The following CNTN5 variants were observed in gnomAD, a reference collection of about 807,000 sequenced individuals.
CNTN5 encodes the protein contactin 5.
In CNTN5, 77 loss-of-function variants were observed where a neutral mutation model predicts 129.1. That is an observed-to-expected ratio of 0.60 (90% CI 0.50 to 0.72). The LOEUF (loss-of-function observed/expected upper bound fraction) is 0.72. Ranked by LOEUF, CNTN5 falls within the 30% of genes least tolerant of loss-of-function variation. CNTN5 has a pLI of 0.00. For missense variants in CNTN5, 1,478 were observed against 1,328.8 expected (o/e 1.11, Z -1.75); for synonymous variants, 509 against 465.6 (o/e 1.09, Z -1.20).
intron 13 of CNTN5, among the ~76,000 whole-genome samples, chr11:100,173,681 G>C (rs1034966374): frequency 8.5e-5 from 13 of 152,148 alleles, no homozygotes; most frequent in Non-Finnish European, 1.9e-4. Context: ...GTCTAAGTCA[G>C]GGAACTCTGC....
intron 3 of CNTN5, among the ~76,000 whole-genome samples, chr11:99,660,993 C>T (rs1267806196): frequency 2.6e-5 from 4 of 151,792 alleles, no homozygotes; most frequent in Admixed American, 2.0e-4. Context: ...TTGTATTCTT[C>T]CTTGGCAAAA....
At chr11:99,536,854 TAAAA>T (rs5793993) in intron 2 of CNTN5, among the ~76,000 whole-genome samples, 1 of 140,440 alleles carries the variant, frequency 7.1e-6, no homozygotes. Context: ...GTAGTCACAT[TAAAA>T]AAAAAAAAAA....
intron 3 of CNTN5, among the ~76,000 whole-genome samples, chr11:99,683,722 CTG>C (rs1386363479): frequency 6.6e-6 from 1 of 151,770 alleles, no homozygotes; most frequent in Non-Finnish European, 1.5e-5. Context: ...TGGAAGATAA[CTG>C]TTTTAAAATA....
At chr11:99,457,648 G>A (rs150969351) in intron 2 of CNTN5, among the ~76,000 whole-genome samples, 3 of 151,634 alleles carry the variant, frequency 2.0e-5, no homozygotes, top group Non-Finnish European at 3.0e-5. Context: ...TGTTTAAATT[G>A]AAATATGTTT....
At chr11:99,069,756 G>A (rs1392245235) in intron 1 of CNTN5, among the ~76,000 whole-genome samples, 1 of 152,070 alleles carries the variant, frequency 6.6e-6, no homozygotes, top group Non-Finnish European at 1.5e-5. Flanking sequence ...TACATACCGG[G>A]TCTTTATCCT....
intron 7 of CNTN5, among the ~76,000 whole-genome samples, chr11:99,937,826 G>T (rs534536765): frequency 2.3e-4 from 35 of 152,260 alleles, no homozygotes; most frequent in East Asian, 9.7e-4. Flanking sequence ...CAGTGCTTCA[G>T]CCTGAGGTTT....
At chr11:100,177,176 T>A (rs150261885) in intron 13 of CNTN5, among the ~76,000 whole-genome samples, 2 of 152,168 alleles carry the variant, frequency 1.3e-5, no homozygotes, top group African/African-American at 4.8e-5. Context: ...TCAATAGGCT[T>A]ATCCATGGAT....
chr11:99,083,748 G>A (rs1214435673), intron 1 of CNTN5, among the ~76,000 whole-genome samples: 2 of 152,126 alleles, frequency 1.3e-5, no homozygotes, highest in African/African-American at 4.8e-5. Flanking sequence ...TAAAATTAGA[G>A]GAGGTGAATG....
At chr11:100,066,213 A>G (rs1943689646) in intron 10 of CNTN5, among the ~76,000 whole-genome samples, 1 of 152,072 alleles carries the variant, frequency 6.6e-6, no homozygotes, top group African/African-American at 2.4e-5. Context: ...CAGTTAAATA[A>G]CTCATTCTCA....
At chr11:99,768,786 C>T (rs1029659961) in intron 3 of CNTN5, among the ~76,000 whole-genome samples, 1 of 152,006 alleles carries the variant, frequency 6.6e-6, no homozygotes, top group Non-Finnish European at 1.5e-5. Context: ...ATCTGCCAGA[C>T]TTATTTATTC....
chr11:100,008,889 A>G (rs1249072472), intron 9 of CNTN5, among the ~76,000 whole-genome samples: 1 of 152,082 alleles, frequency 6.6e-6, no homozygotes, highest in African/African-American at 2.4e-5. Context: ...ATACTGGTTC[A>G]TTGTGATTTC....
chr11:99,772,166 T>C (rs1430310052), intron 3 of CNTN5, among the ~76,000 whole-genome samples: 1 of 151,874 alleles, frequency 6.6e-6, no homozygotes, highest in African/African-American at 2.4e-5. Context: ...TACTTCATTT[T>C]TTTTTTTGCC....
intron 3 of CNTN5, among the ~76,000 whole-genome samples, chr11:99,652,202 G>A (rs1340323235): frequency 6.6e-6 from 1 of 151,990 alleles, no homozygotes; most frequent in East Asian, 1.9e-4. Context: ...TCATTGTCTT[G>A]CTACCTGTCA....
intron 1 of CNTN5, among the ~76,000 whole-genome samples, chr11:99,309,634 T>G (rs1427021628): frequency 6.6e-6 from 1 of 152,204 alleles, no homozygotes; most frequent in Non-Finnish European, 1.5e-5. Context: ...CAGCTCCAAC[T>G]TCCACTTATC....
At chr11:100,253,647 C>T (rs950522363) in intron 16 of CNTN5, among the ~76,000 whole-genome samples, 2 of 152,116 alleles carry the variant, frequency 1.3e-5, no homozygotes, top group African/African-American at 4.8e-5. Context: ...CCTCTACATT[C>T]CTGTCACCAC....
At chr11:99,289,352 A>G (rs1407260425) in intron 1 of CNTN5, among the ~76,000 whole-genome samples, 2 of 151,828 alleles carry the variant, frequency 1.3e-5, no homozygotes, top group Non-Finnish European at 3.0e-5. Context: ...CTAGAAAATA[A>G]GTAGTCTCTT....
At chr11:99,305,355 A>G (rs1428955441) in intron 1 of CNTN5, among the ~76,000 whole-genome samples, 1 of 152,336 alleles carries the variant, frequency 6.6e-6, no homozygotes, top group East Asian at 1.9e-4. Flanking sequence ...TGAGTTTCAC[A>G]AACAGCAAAA....
chr11:100,173,635 T>C (rs764815599), intron 13 of CNTN5, among the ~76,000 whole-genome samples: 1 of 152,038 alleles, frequency 6.6e-6, no homozygotes, highest in Non-Finnish European at 1.5e-5. Flanking sequence ...AGGTGGTAGT[T>C]GAAAGAAGTT....
At chr11:99,098,796 G>A (rs924811661) in intron 1 of CNTN5, among the ~76,000 whole-genome samples, 5 of 151,952 alleles carry the variant, frequency 3.3e-5, no homozygotes, top group Non-Finnish European at 7.4e-5. Flanking sequence ...ATTTTTCAGA[G>A]ACTAAAAGGT....
Sources: gnomAD v4.1 joint callset for allele counts (sites outside exome capture counted in the v4.1 genomes callset) on GRCh38, gnomAD v4.1.1 for gene constraint, MANE v1.5 for transcripts, NCBI Gene and HGNC (gene_info 2026-07-23, HGNC 2026-07-21) for gene names.